The following PAPLN variants were observed in gnomAD, a reference collection of about 807,000 sequenced individuals.
PAPLN encodes papilin.
A neutral mutation model predicts 159.0 loss-of-function variants in PAPLN; 146 were observed. The observed-to-expected ratio is 0.92, with a 90% confidence interval of 0.80 to 1.05. The LOEUF (loss-of-function observed/expected upper bound fraction) is 1.05, where lower values mean the gene tolerates loss of function less well. Ranked by LOEUF, PAPLN falls within the 50% of genes least tolerant of loss-of-function variation. The pLI is 0.00. For missense variants in PAPLN, 1,720 were observed against 1,743.9 expected (o/e 0.99, Z 0.24); for synonymous variants, 734 against 702.9 (o/e 1.04, Z -0.70).
At chr14:73,259,098 GT>G (rs1886260636) in intron 15 of PAPLN, 39 bp downstream of exon 15, 1 of 1,579,602 alleles carries the variant, frequency 6.3e-7, no homozygotes, top group South Asian at 1.2e-5. Context: ...GAGCCCTGTA[GT>G]TTTTGTGTCT....
Position 73,264,553 on chromosome 14 carries a change from C to T in PAPLN, c.2987-35C>T, listed in dbSNP as rs374488370. 7 of 1,575,630 alleles carry T rather than the reference C, an allele frequency of 4.4e-6. No individual in the cohort carries two copies. The African/African-American group carries it at 6.9e-5, about 15-fold the overall frequency. ...CCTTCCTTCCACTCCCTTTTCCTCA[C>T]AGCTCACACCTTGTTTCTCCTGGCC... On this transcript the variant is annotated intron_variant, in intron 21 of 26. Transcript: ENST00000644200.
intron 14 of PAPLN, 136 bp from the exon 15 acceptor site, chr14:73,258,843 C>A (rs1036702981): frequency 7.5e-5 from 53 of 710,510 alleles, no homozygotes; most frequent in Non-Finnish European, 1.1e-4. Flanking sequence ...GCTCCTTTTC[C>A]CTTGGGCTGT....
At chr14:73,251,376 G>A in intron 7 of PAPLN, 110 bp from the exon 8 acceptor site, 1 of 1,189,684 alleles carries the variant, frequency 8.4e-7, no homozygotes, top group East Asian at 2.5e-5. Context: ...TCTGGCTCTT[G>A]TGTACCCTCC....
intron 14 of PAPLN, among the ~76,000 whole-genome samples, chr14:73,257,816 T>G (rs959707616): frequency 2.1e-5 from 3 of 142,824 alleles, no homozygotes; most frequent in Admixed American, 7.7e-5. Context: ...CAGTTTGGAG[T>G]GCAGTGGCGC....
intron 22 of PAPLN, among the ~76,000 whole-genome samples, chr14:73,264,986 C>T (rs998704894): frequency 8.5e-5 from 13 of 152,298 alleles, no homozygotes; most frequent in African/African-American, 2.6e-4. Flanking sequence ...GGGCCTGAGC[C>T]GGCTTCTTTG....
At chr14:73,271,946 G>A (rs1197368865) in intron 26 of PAPLN, among the ~76,000 whole-genome samples, 1 of 152,206 alleles carries the variant, frequency 6.6e-6, no homozygotes, top group Non-Finnish European at 1.5e-5. Context: ...TGTCTAATAT[G>A]CATTGCTTCC....
intron 5 of PAPLN, among the ~76,000 whole-genome samples, chr14:73,248,100 TGTGTGTGC>T (rs1412878725): frequency 3.3e-5 from 4 of 120,878 alleles, no homozygotes; most frequent in African/African-American, 1.1e-4. Context: ...TGTGTGTGTG[TGTGTGTGC>T]GCGTGTGTGT....
rs933395708 is a variant in PAPLN, at chr14:73,259,127, G to T, written c.1708+68G>T. 1.9e-6 allele frequency: 3 copies of T among 1,545,010 alleles called. No homozygotes were observed. The South Asian group carries it at 3.7e-5, about 19-fold the overall frequency. ...TTGTGTCTGAGTGGATGGTACATGG[G>T]GGTGTGGGGGTCACAGTTGGGTGCA... On this transcript the variant is annotated intron_variant, in intron 15 of 26. Coordinates refer to ENST00000644200, the MANE Select transcript of PAPLN (RefSeq NM_001365906.3).
intron 2 of PAPLN, chr14:73,244,314 A>ATGCCTCC: frequency 4.3e-6 from 1 of 233,146 alleles, no homozygotes; most frequent in Non-Finnish European, 8.5e-6. Context: ...ATCACGGTTA[A>ATGCCTCC]CCTACAAATG....
chr14:73,253,712 C>T (rs2140246073), intron 11 of PAPLN, 42 bp from the exon 12 acceptor site: 12 of 1,532,162 alleles, frequency 7.8e-6, no homozygotes, highest in Non-Finnish European at 1.1e-5. Flanking sequence ...GGTTTCTGCC[C>T]ATGCTCCTGG....
upstream of PAPLN, among the ~76,000 whole-genome samples, chr14:73,237,028 A>G (rs1883075385): frequency 6.6e-6 from 1 of 151,568 alleles, no homozygotes; most frequent in Non-Finnish European, 1.5e-5. Context: ...CAAGGTTTTG[A>G]GGGCTGACTA....
Position 73,257,235 on chromosome 14 carries a change from G to A in PAPLN, c.1628-1744G>A, listed in dbSNP as rs28685791. On this transcript the variant is annotated intron_variant, in intron 14 of 26. Coordinates refer to ENST00000644200, the MANE Select transcript of PAPLN (RefSeq NM_001365906.3). ...AATCCTCTCACCTTAGCCTCTCAAAGTGCTGGGATTACAGGTGTGAGCCAC... is the reference window on the plus strand; with the variant it reads ...AATCCTCTCACCTTAGCCTCTCAAAATGCTGGGATTACAGGTGTGAGCCAC... Among the ~76,000 whole-genome samples the A allele has an allele frequency of 9.0e-3, 1,371 of 152,234 alleles. 22 individuals are homozygous for A. Among genetic ancestry groups the A allele is most frequent in the African/African-American group, 0.031 (1,295 of 41,532 alleles).
chr14:73,254,565 G>A lies in PAPLN; in HGVS notation c.1355G>A (p.Gly452Asp), dbSNP rs770393234. Reference protein sequence around the residue: ...GVRKRSVTCRGERGSLLHTAA... With the variant: ...GVRKRSVTCRDERGSLLHTAA... ...CGGAAGCGGAGCGTTACTTGCCGGG[G>A]TGAAAGGGGTTCTTTGCTCCATACC... Residue 452 changes from glycine (G) to aspartate (D), a missense_variant, in exon 13 of 27, where the codon GGT becomes GAT. By Grantham distance (94) the Gly-to-Asp change is moderately conservative (BLOSUM62 -1). Transcript: ENST00000644200. 13 of 1,613,956 alleles carry A rather than the reference G, an allele frequency of 8.1e-6. No homozygotes were observed. Among genetic ancestry groups the A allele is most frequent in the African/African-American group, 5.3e-5 (4 of 74,924 alleles).
In PAPLN at chr14:73,250,040, C is replaced by T; in HGVS notation, c.391C>T (p.His131Tyr). 6 of 1,613,300 alleles carry T rather than the reference C, an allele frequency of 3.7e-6. No homozygotes were observed. The highest frequency in any genetic ancestry group is 5.1e-6 in the Non-Finnish European group (6 of 1,179,678). Residue 131 changes from histidine to tyrosine, a missense_variant, in exon 6 of 27, where the codon CAC becomes TAC. Physicochemically the swap from His to Tyr is moderately conservative, Grantham distance 83. Coordinates refer to ENST00000644200, the MANE Select transcript of PAPLN (RefSeq NM_001365906.3). The stretch of plus-strand genomic sequence containing the variant: ...CAAGGGGGAGAACTTCTACTACAAG[C>T]ACAGGGAGGCTGTGGTTGATGGGAC... ...IPKGENFYYK[H>Y]REAVVDGTPC...
intron 16 of PAPLN, among the ~76,000 whole-genome samples, 193 bp from the exon 17 acceptor site, chr14:73,260,516 G>T (rs1266834295): frequency 6.7e-6 from 1 of 150,172 alleles, no homozygotes; most frequent in Non-Finnish European, 1.5e-5. Context: ...CCTGGTAGCT[G>T]CTAAGAGTCG....
chr14:73,248,102 TGTGTGC>T (rs1388720840), intron 5 of PAPLN, among the ~76,000 whole-genome samples: 2 of 108,544 alleles, frequency 1.8e-5, no homozygotes, highest in Admixed American at 9.9e-5. Flanking sequence ...TGTGTGTGTG[TGTGTGC>T]GCGTGTGTGT....
chr14:73,259,633 G>GGGCT, intron 16 of PAPLN, 88 bp downstream of exon 16: 3 of 1,387,134 alleles, frequency 2.2e-6, no homozygotes, highest in Non-Finnish European at 2.8e-6. Context: ...GATCAGAAGA[G>GGGCT]GGCTGGGGTG....
At position 73,260,690 on chromosome 14, in the gene PAPLN, CTG is replaced by C. The variant is rs759080291; in HGVS notation, c.1986-14_1986-13del. The C allele has an allele frequency of 4.2e-6, 6 of 1,444,948 alleles. No individual in the cohort carries two copies. The highest frequency in any genetic ancestry group is 5.5e-6 in the Non-Finnish European group (6 of 1,100,542). The allele number at this position is 1,444,948 out of a possible 1,614,324, so 89.5% of individuals were successfully genotyped here. ...TGGGGGCAGGCTGGGCAGTGAGGGG[CTG>C]TGTGATGTCTGCCTAGGTACGGGTG... On this transcript the variant is annotated splice_polypyrimidine_tract_variant and intron_variant, in intron 16 of 26. Transcript: ENST00000644200.
rs980862284 is a variant in PAPLN at position 73,245,581 on chromosome 14, C to T, written c.171-55C>T. ...TTGGGGCCTGCAGAGAGCCCCAGAA[C>T]GGGGGCAGGGACGTTGGGTCTCGGT... is the stretch of plus-strand genomic sequence containing the variant. On this transcript the variant is annotated intron_variant, in intron 3 of 26. Coordinates refer to ENST00000644200, the MANE Select transcript of PAPLN (RefSeq NM_001365906.3). This position sits in a 1 kb window ranked among gnomAD's most constrained non-coding sequence, Gnocchi z 4.2. 4 of 1,532,256 alleles carry T rather than the reference C, an allele frequency of 2.6e-6. No homozygotes were observed. The highest frequency in any genetic ancestry group is 1.4e-5 in the African/African-American group (1 of 72,840). The allele number at this position is 1,532,256 out of a possible 1,614,324, so 94.9% of individuals were successfully genotyped here. A position where few individuals can be genotyped will look rare whatever the true frequency, so the allele number is the denominator to read the frequency against.
Sources: gnomAD v4.1 joint callset for allele counts (sites outside exome capture counted in the v4.1 genomes callset) on GRCh38, gnomAD v4.1.1 for gene constraint, Gnocchi (gnomAD v3.1) non-coding constraint, MANE v1.5 for transcripts, NCBI Gene and HGNC (gene_info 2026-07-23, HGNC 2026-07-21) for gene names.